The following C14orf39 variants were observed in gnomAD, a reference collection of about 807,000 sequenced individuals.
C14orf39 encodes the protein chromosome 14 open reading frame 39, also known as protein SIX6OS1.
Under a neutral mutation model 85.6 loss-of-function variants are expected in C14orf39, and 66 were observed. The ratio of observed to expected loss-of-function variants is 0.77; its 90% CI spans 0.63 to 0.95. The LOEUF is 0.95. Ranked by LOEUF, C14orf39 falls within the 40% of genes least tolerant of loss-of-function variation. C14orf39 has a pLI of 0.00. For synonymous variants in C14orf39, 242 were observed against 214.0 expected (o/e 1.13, Z -1.14); for missense variants, 735 against 663.9 (o/e 1.11, Z -1.18).
chr14:60,488,378 A>C (rs1289815988), upstream of C14orf39, among the ~76,000 whole-genome samples: 1 of 152,184 alleles, frequency 6.6e-6, no homozygotes, highest in Non-Finnish European at 1.5e-5. Context: ...TGCTCCATCT[A>C]CTGGAGAGTT....
chr14:60,482,243 C>T (rs982856264), intron 4 of C14orf39, among the ~76,000 whole-genome samples: 1 of 152,074 alleles, frequency 6.6e-6, no homozygotes, highest in Non-Finnish European at 1.5e-5. Flanking sequence ...TTTCCACAAC[C>T]CAATGCAGCT....
intron 1 of C14orf39, among the ~76,000 whole-genome samples, chr14:60,513,951 T>A (rs1393280714): frequency 6.6e-6 from 1 of 152,224 alleles, no homozygotes; most frequent in Non-Finnish European, 1.5e-5. Context: ...AAGTAGCTAT[T>A]CTGTTTCAAC....
At chr14:60,511,748 T>C (rs918611685) in intron 1 of C14orf39, 21 of 221,466 alleles carry the variant, frequency 9.5e-5, no homozygotes, top group Middle Eastern at 1.9e-3. Flanking sequence ...CTGGTGGTGA[T>C]GGGTTCTGTG....
chr14:60,495,973 C>A (rs539510699), intron 2 of C14orf39: 1 of 472,702 alleles, frequency 2.1e-6, no homozygotes, highest in African/African-American at 2.0e-5. Context: ...GCACATATGT[C>A]CCACTTTAGG....
intron 2 of C14orf39, among the ~76,000 whole-genome samples, chr14:60,497,392 C>CTCCATATG (rs1893083406): frequency 6.6e-6 from 1 of 151,992 alleles, no homozygotes; most frequent in African/African-American, 2.4e-5. Flanking sequence ...AGGCCCAATG[C>CTCCATATG]ACACACACAC....
intron 1 of C14orf39, chr14:60,511,606 A>G: frequency 2.2e-6 from 1 of 448,014 alleles, no homozygotes; most frequent in Non-Finnish European, 4.1e-6. Flanking sequence ...GGACGCTGTT[A>G]CATATGTATA....
chr14:60,475,279 A>G (rs866542667), intron 5 of C14orf39, among the ~76,000 whole-genome samples: 21 of 151,776 alleles, frequency 1.4e-4, no homozygotes, highest in Middle Eastern at 6.8e-3. Context: ...CATCTATTTG[A>G]TTCTTCTGTC....
upstream of C14orf39, among the ~76,000 whole-genome samples, chr14:60,487,497 G>GTGTGTGTGTGTA (rs1555359944): frequency 6.6e-6 from 1 of 151,718 alleles, no homozygotes; most frequent in Admixed American, 6.6e-5. Context: ...AAGTCCGTGT[G>GTGTGTGTGTGTA]TGTGTGTGTG....
At chr14:60,455,319 T>G (rs1320747163) in intron 15 of C14orf39, among the ~76,000 whole-genome samples, 174 bp from the exon 16 acceptor site, 1 of 152,028 alleles carries the variant, frequency 6.6e-6, no homozygotes, top group Non-Finnish European at 1.5e-5. Context: ...GAGACTAATG[T>G]TAAATAAAGT....
intron 17 of C14orf39, among the ~76,000 whole-genome samples, chr14:60,441,458 T>C (rs1264543422): frequency 2.0e-5 from 3 of 152,174 alleles, no homozygotes; most frequent in Non-Finnish European, 4.4e-5. Flanking sequence ...AAAGGTAATA[T>C]TAGATTTAAA....
At chr14:60,464,267 T>A (rs1330346389) in intron 11 of C14orf39, among the ~76,000 whole-genome samples, 1 of 152,176 alleles carries the variant, frequency 6.6e-6, no homozygotes, top group Non-Finnish European at 1.5e-5. Flanking sequence ...TGAGAAATAA[T>A]GGCATTGTTG....
intron 17 of C14orf39, among the ~76,000 whole-genome samples, chr14:60,441,728 T>C (rs1028616415): frequency 6.6e-6 from 1 of 151,504 alleles, no homozygotes; most frequent in Non-Finnish European, 1.5e-5. Context: ...GAATATCCAA[T>C]AAAAAGTATC....
rs144842230 is a variant in C14orf39, at chr14:60,461,534, T to C, written c.1032A>G (p.Thr344=). Residue 344 remains threonine (T), a synonymous_variant, in exon 12 of 18, where the codon ACA becomes ACG. Transcript: ENST00000321731. ...TGACTTGCATAAACTTTTGTGAACT[T>C]GTGATAGTCGTAATATGTGAACATT... ...HSKCSHITTI[T]SSQKFMQVRL... 5 of 1,592,282 alleles carry C rather than the reference T, an allele frequency of 3.1e-6. No homozygotes were observed. Among genetic ancestry groups the C allele is most frequent in the Non-Finnish European group, 4.3e-6 (5 of 1,172,060 alleles).
Position 60,461,377 on chromosome 14 carries a change from T to C in C14orf39, c.1094A>G (p.Gln365Arg). 5 of 1,611,180 alleles carry C rather than the reference T, an allele frequency of 3.1e-6. No homozygotes were observed. Among genetic ancestry groups the C allele is most frequent in the Admixed American group, 1.7e-5 (1 of 59,858 alleles). Reference sequence around the variant, plus strand: ...ACCTTTATCCCCTTTTTCCGACCACTGATTGGAATTTGATTGTTTCTGTGG... The same window carrying C: ...ACCTTTATCCCCTTTTTCCGACCACCGATTGGAATTTGATTGTTTCTGTGG... ...LTPQKQSNSN[Q>R]WSEKGDKDAE... Residue 365 changes from glutamine to arginine, a missense_variant, in exon 13 of 18, where the codon CAG becomes CGG. Gln to Arg is a conservative substitution (Grantham distance 43). Coordinates refer to ENST00000321731, the MANE Select transcript of C14orf39 (RefSeq NM_174978.3).
chr14:60,462,473 C>T (rs1181478857), intron 11 of C14orf39, among the ~76,000 whole-genome samples: 1 of 152,136 alleles, frequency 6.6e-6, no homozygotes, highest in African/African-American at 2.4e-5. Context: ...TTGAATCACT[C>T]ATTTTAAAAA....
chr14:60,506,270 A>G (rs1465862814), intron 1 of C14orf39, among the ~76,000 whole-genome samples: 1 of 152,254 alleles, frequency 6.6e-6, no homozygotes, highest in Non-Finnish European at 1.5e-5. Context: ...AATGCAAAAG[A>G]AAAATGAAAT....
At chr14:60,513,535 T>TC (rs1893323956) in intron 1 of C14orf39, among the ~76,000 whole-genome samples, 1 of 152,178 alleles carries the variant, frequency 6.6e-6, no homozygotes, top group Non-Finnish European at 1.5e-5. Context: ...CCACTCTTGT[T>TC]CCCCAGCCCC....
intron 5 of C14orf39, 31 bp from the exon 6 acceptor site, chr14:60,471,770 T>C: frequency 7.6e-7 from 1 of 1,309,080 alleles, no homozygotes; most frequent in Non-Finnish European, 1.1e-6. Context: ...GATGTTTATA[T>C]AACAACAACA....
chr14:60,477,191 G>C (rs1892417337), intron 5 of C14orf39, among the ~76,000 whole-genome samples: 1 of 152,068 alleles, frequency 6.6e-6, no homozygotes, highest in African/African-American at 2.4e-5. Context: ...CTACCCTCTA[G>C]ATGATGGCGT....
Sources: allele counts gnomAD v4.1 joint callset (sites outside exome capture counted in the v4.1 genomes callset), GRCh38; gene constraint gnomAD v4.1.1; transcripts MANE v1.5; gene names NCBI Gene and HGNC (gene_info 2026-07-23, HGNC 2026-07-21).